LEPR: variants seen among roughly 807,000 people sequenced by gnomAD.
The protein encoded by LEPR is OB receptor.
A neutral mutation model predicts 114.7 loss-of-function variants in LEPR; 56 were observed. The ratio of observed to expected loss-of-function variants is 0.49; its 90% CI spans 0.39 to 0.61. LEPR has a LOEUF of 0.61. LEPR is among the 20% of genes least tolerant of loss of function. LEPR has a pLI of 0.00. For synonymous variants in LEPR, 443 were observed against 461.4 expected (o/e 0.96, Z 0.51); for missense variants, 1,202 against 1,352.9 (o/e 0.89, Z 1.75).
At chr1:65,444,864 A>AT (rs1272736182) in intron 2 of LEPR, among the ~76,000 whole-genome samples, 2 of 152,252 alleles carry the variant, frequency 1.3e-5, no homozygotes, top group Non-Finnish European at 2.9e-5. Flanking sequence ...AATTAGGTCC[A>AT]TATAACAATG....
rs202041320 is a variant in LEPR, at chr1:65,519,840, C to CA, written c.-20-45697dup. Among the ~76,000 whole-genome samples the CA allele has an allele frequency of 2.9e-3, 430 of 149,902 alleles. 4 individuals are homozygous for CA. Among genetic ancestry groups the CA allele is most frequent in the African/African-American group, 9.6e-3 (392 of 40,828 alleles). On this transcript the variant is annotated intron_variant, in intron 2 of 19. Transcript: ENST00000349533. ...TGCCCCACCAAGCCTGGCTAATTTA[C>CA]AAAAAAAAATGTTTTTTTTGTTTTG...
intron 7 of LEPR, among the ~76,000 whole-genome samples, chr1:65,598,275 G>C (rs1298918266): frequency 2.0e-5 from 3 of 151,728 alleles, no homozygotes; most frequent in South Asian, 4.2e-4. Context: ...TCTGTACAGG[G>C]ACACTTGTAG....
chr1:65,613,056 A>T (rs1025876613), intron 14 of LEPR, among the ~76,000 whole-genome samples: 1 of 152,212 alleles, frequency 6.6e-6, no homozygotes, highest in African/African-American at 2.4e-5. Flanking sequence ...GAGGACCTAC[A>T]TATATTATTT....
At chr1:65,460,069 T>C (rs1646925556) in intron 2 of LEPR, among the ~76,000 whole-genome samples, 1 of 152,120 alleles carries the variant, frequency 6.6e-6, no homozygotes, top group Non-Finnish European at 1.5e-5. Flanking sequence ...TTTTTTTTTT[T>C]TTACTATGTT....
intron 5 of LEPR, among the ~76,000 whole-genome samples, chr1:65,585,369 G>T (rs1655245617): frequency 6.6e-6 from 1 of 152,124 alleles, no homozygotes; most frequent in African/African-American, 2.4e-5. Flanking sequence ...CATAGAATTT[G>T]CTTGGAGAAG....
chr1:65,503,641 G>A (rs1246924872), intron 2 of LEPR, among the ~76,000 whole-genome samples: 1 of 152,160 alleles, frequency 6.6e-6, no homozygotes, highest in Non-Finnish European at 1.5e-5. Context: ...GTTGAAGTGG[G>A]AGCTTACAGG....
At chr1:65,507,537 G>GTA (rs141509569) in intron 2 of LEPR, among the ~76,000 whole-genome samples, 62,609 of 140,176 alleles carry the variant, frequency 0.45, 14,962 homozygotes, top group Non-Finnish European at 0.54. Flanking sequence ...ATATATGTGT[G>GTA]TATATATATA....
chr1:65,557,016 G>A (rs1652859434), intron 2 of LEPR, among the ~76,000 whole-genome samples: 1 of 152,174 alleles, frequency 6.6e-6, no homozygotes, highest in Non-Finnish European at 1.5e-5. Flanking sequence ...GACAGAAGTA[G>A]AGAGCCTCTT....
At chr1:65,429,584 G>A (rs1479823752) in intron 2 of LEPR, among the ~76,000 whole-genome samples, 1 of 152,110 alleles carries the variant, frequency 6.6e-6, no homozygotes, top group East Asian at 1.9e-4. Context: ...TGTCTTTAAA[G>A]AAATTGTGGC....
chr1:65,629,674 C>T (rs1658414847), intron 19 of LEPR, among the ~76,000 whole-genome samples: 1 of 151,346 alleles, frequency 6.6e-6, no homozygotes, highest in Non-Finnish European at 1.5e-5. Flanking sequence ...TCTCTCCCTC[C>T]CTCTCTTTCT....
At chr1:65,588,993 A>C (rs1655507680) in intron 5 of LEPR, among the ~76,000 whole-genome samples, 1 of 152,104 alleles carries the variant, frequency 6.6e-6, no homozygotes, top group South Asian at 2.1e-4. Context: ...AGAAAGTGCC[A>C]AACTGTTTTC....
At chr1:65,601,992 G>A (rs1289874370) in intron 10 of LEPR, 32 bp downstream of exon 10, 1 of 1,555,294 alleles carries the variant, frequency 6.4e-7, no homozygotes. Flanking sequence ...TTGTTTTTCT[G>A]TGGGCACAGT....
rs78545258 is a variant in LEPR at position 65,457,800 on chromosome 1, G to A, written c.-21+32422G>A. On this transcript the variant is annotated intron_variant, in intron 2 of 19. Transcript: ENST00000349533. ...TTTGTTTCTTTTCTTTTTAAATTTC[G>A]AGACAGGCTACAACAGAATCCAAAT... 1.3e-3 allele frequency among the ~76,000 whole-genome samples: 197 copies of A among 151,856 alleles called. 2 individuals carry two copies. In the East Asian group the frequency reaches 0.031, roughly 24 times the overall value.
rs527321942 is a variant in LEPR, at chr1:65,605,171, A to G, written c.1537A>G (p.Ile513Val). 5 of 1,614,100 alleles carry G rather than the reference A, an allele frequency of 3.1e-6. No individual in the cohort carries two copies. Among genetic ancestry groups the G allele is most frequent in the Non-Finnish European group, 4.2e-6 (5 of 1,180,012 alleles). The change falls in exon 11 of 20, where the codon ATT becomes GTT. Residue 513 changes from isoleucine to valine, a missense_variant. By Grantham distance (29) the Ile-to-Val change is conservative. Transcript: ENST00000349533. ...CCTATTATCTGGCTACACAATGTGGATTAGGATCAATCACTCTCTAGGTTC... is the reference window on the plus strand; with the variant it reads ...CCTATTATCTGGCTACACAATGTGGGTTAGGATCAATCACTCTCTAGGTTC... The part of the protein sequence containing the change: ...IFLLSGYTMW[I>V]RINHSLGSLD...
At chr1:65,634,786 C>G (rs928933574) in intron 19 of LEPR, 3 of 899,346 alleles carry the variant, frequency 3.3e-6, no homozygotes, top group Non-Finnish European at 4.0e-6. Flanking sequence ...AATTTTAAGA[C>G]AGTTCAGTGC....
rs372712750 is a variant in LEPR, at chr1:65,606,032, T to C, written c.1603+795T>C. Reference sequence around the variant, plus strand: ...GGAAACATGTTAGAATAATGTTCCATAAAAATATTAATATATACTATTTTG... The same window carrying C: ...GGAAACATGTTAGAATAATGTTCCACAAAAATATTAATATATACTATTTTG... On this transcript the variant is annotated intron_variant, in intron 11 of 19. Transcript: ENST00000349533. 1.1e-4 allele frequency among the ~76,000 whole-genome samples: 16 copies of C among 152,284 alleles called. 1 individual carries two copies. In the East Asian group the frequency reaches 2.1e-3, roughly 20 times the overall value.
intron 16 of LEPR, 76 bp downstream of exon 16, chr1:65,618,222 G>T: frequency 7.3e-6 from 10 of 1,365,876 alleles, no homozygotes; most frequent in East Asian, 2.3e-5. Flanking sequence ...TATTAATATA[G>T]CCAGTTAATG....
Position 65,465,152 on chromosome 1 carries a change from G to C in LEPR, c.-21+39774G>C, listed in dbSNP as rs867815061. On this transcript the variant is annotated intron_variant, in intron 2 of 19. Coordinates refer to ENST00000349533, the MANE Select transcript of LEPR (RefSeq NM_002303.6). ...TTTTAGATATTTCCTCCTTTCTCTT[G>C]TGGGCAGTTAGTGCTATAAATTTCC... is the stretch of plus-strand genomic sequence containing the variant. Among the ~76,000 whole-genome samples the C allele has an allele frequency of 2.6e-5, 4 of 152,072 alleles. No homozygotes were observed. In the East Asian group the frequency reaches 7.7e-4, roughly 29 times the overall value.
intron 2 of LEPR, among the ~76,000 whole-genome samples, chr1:65,503,853 G>C (rs1245251925): frequency 2.0e-5 from 3 of 151,632 alleles, no homozygotes; most frequent in Non-Finnish European, 2.9e-5. Context: ...GTCAGCTGAA[G>C]AGGTCAAGAT....
Sources: gnomAD v4.1 joint callset for allele counts (sites outside exome capture counted in the v4.1 genomes callset) on GRCh38, gnomAD v4.1.1 for gene constraint, MANE v1.5 for transcripts, NCBI Gene and HGNC (gene_info 2026-07-23, HGNC 2026-07-21) for gene names.